Variants in KIF13B observed in about 807,000 individuals in gnomAD.
KIF13B encodes kinesin-like protein KIF13B.
KIF13B carries 127 observed loss-of-function variants against 222.0 expected under a neutral mutation model. The ratio of observed to expected loss-of-function variants is 0.57; its 90% CI spans 0.50 to 0.66. KIF13B has a LOEUF of 0.66. Ranked by LOEUF, KIF13B falls within the 30% of genes least tolerant of loss-of-function variation. The probability of loss-of-function intolerance (pLI) is 0.00; values close to 1 mark genes in which losing one functional copy is unlikely to be tolerated. For synonymous variants in KIF13B, 976 were observed against 919.0 expected (o/e 1.06, Z -1.12); for missense variants, 2,173 against 2,379.0 (o/e 0.91, Z 1.80).
At chr8:29,133,946 A>G in intron 22 of KIF13B, 94 bp downstream of exon 22, 1 of 1,228,222 alleles carries the variant, frequency 8.1e-7, no homozygotes. Flanking sequence ...CAAGACATAT[A>G]ACGGCACATT....
At chr8:29,072,445 G>A (rs933861450) in intron 38 of KIF13B, 129 bp from the exon 39 acceptor site, 2 of 509,610 alleles carry the variant, frequency 3.9e-6, no homozygotes, top group Non-Finnish European at 6.4e-6. Flanking sequence ...CAGTGCTTAT[G>A]GAGGGCAAGA....
chr8:29,176,637 C>A (rs1430184690), intron 9 of KIF13B, among the ~76,000 whole-genome samples: 1 of 152,156 alleles, frequency 6.6e-6, no homozygotes, highest in Non-Finnish European at 1.5e-5. Context: ...CCATAATGAG[C>A]TAACAATTTG....
intron 31 of KIF13B, among the ~76,000 whole-genome samples, chr8:29,114,897 G>A (rs947928357): frequency 2.0e-5 from 3 of 152,126 alleles, no homozygotes; most frequent in East Asian, 1.9e-4. Flanking sequence ...ATGGAAAATC[G>A]CTCTTCAAAA....
intron 1 of KIF13B, among the ~76,000 whole-genome samples, chr8:29,251,545 G>A (rs957833366): frequency 6.6e-5 from 10 of 152,134 alleles, no homozygotes; most frequent in African/African-American, 2.4e-4. Context: ...CCATTTATAT[G>A]AGGTACCTAG....
intron 24 of KIF13B, among the ~76,000 whole-genome samples, chr8:29,128,472 T>G (rs1038077999): frequency 6.6e-6 from 1 of 152,260 alleles, no homozygotes. Flanking sequence ...ACAGATGTTT[T>G]CTGATTTAAT....
At chr8:29,192,707 ATTAGG>A (rs1813240198) in intron 3 of KIF13B, among the ~76,000 whole-genome samples, 1 of 152,162 alleles carries the variant, frequency 6.6e-6, no homozygotes, top group African/African-American at 2.4e-5. Context: ...AAGAAAGAAA[ATTAGG>A]TTAAGATGGT....
intron 1 of KIF13B, 97 bp from the exon 2 acceptor site, chr8:29,245,536 T>C (rs1815983856): frequency 1.2e-6 from 1 of 802,458 alleles, no homozygotes; most frequent in African/African-American, 1.7e-5. Context: ...TACTCTTTCA[T>C]AATGCAAACA....
intron 10 of KIF13B, among the ~76,000 whole-genome samples, chr8:29,168,154 T>C (rs1466655866): frequency 6.6e-6 from 1 of 152,248 alleles, no homozygotes; most frequent in East Asian, 1.9e-4. Flanking sequence ...TTCGCTCTGA[T>C]AGCACTTCAA....
intron 2 of KIF13B, among the ~76,000 whole-genome samples, chr8:29,237,792 T>A (rs1815578431): frequency 6.6e-6 from 1 of 152,204 alleles, no homozygotes; most frequent in Non-Finnish European, 1.5e-5. Flanking sequence ...CAACCACACA[T>A]ATTTTCTTAT....
chr8:29,155,531 G>A (rs760083137), intron 14 of KIF13B, among the ~76,000 whole-genome samples, 195 bp downstream of exon 14: 6 of 152,154 alleles, frequency 3.9e-5, no homozygotes, highest in Admixed American at 2.6e-4. Context: ...GCCTAAATAC[G>A]TAAGGCCATG....
chr8:29,169,792 T>C (rs901140427), intron 10 of KIF13B, among the ~76,000 whole-genome samples: 2 of 152,206 alleles, frequency 1.3e-5, no homozygotes, highest in African/African-American at 2.4e-5. Context: ...GAAATTCAAA[T>C]GTGATATAAC....
chr8:29,110,142 C>T (rs190492350), intron 32 of KIF13B, 72 bp from the exon 33 acceptor site: 25 of 1,238,844 alleles, frequency 2.0e-5, no homozygotes, highest in Non-Finnish European at 2.7e-5. Context: ...CGTGCACACA[C>T]AGACACACAG....
rs372390442 is a variant in KIF13B at position 29,134,023 on chromosome 8, C to T, written c.2784+17G>A. ...TGAGTAATCTAAATGCTGACCTACT[C>T]TGGAAAACAAACTCACATTGCAATG... On this transcript the variant is annotated intron_variant, in intron 22 of 39. Transcript: ENST00000524189. 8.1e-6 allele frequency: 13 copies of T among 1,608,066 alleles called. No individual in the cohort carries two copies. The highest frequency in any genetic ancestry group is 1.1e-5 in the Non-Finnish European group (13 of 1,176,878).
chr8:29,186,564 A>C (rs2130317288), intron 5 of KIF13B, 92 bp from the exon 6 acceptor site: 2 of 1,024,738 alleles, frequency 2.0e-6, no homozygotes, highest in Non-Finnish European at 2.8e-6. Context: ...ACTTGGCAAA[A>C]CGCCAAAATG....
At chr8:29,201,714 C>T (rs992974480) in intron 2 of KIF13B, among the ~76,000 whole-genome samples, 14 of 152,194 alleles carry the variant, frequency 9.2e-5, no homozygotes, top group African/African-American at 2.9e-4. Context: ...CACCCCAACC[C>T]GCTGTATAAC....
chr8:29,121,625 C>T (rs1420143381), intron 29 of KIF13B, among the ~76,000 whole-genome samples: 2 of 132,728 alleles, frequency 1.5e-5, no homozygotes, highest in Non-Finnish European at 3.2e-5. Flanking sequence ...CTAGGCATTA[C>T]CATTCAGGAC....
At chr8:29,086,630 T>G (rs1335310741) in intron 37 of KIF13B, among the ~76,000 whole-genome samples, 1 of 152,260 alleles carries the variant, frequency 6.6e-6, no homozygotes, top group Non-Finnish European at 1.5e-5. Context: ...TTGGTTTCCA[T>G]GTCGATCCCC....
rs1057175011 is a variant in KIF13B at position 29,069,801 on chromosome 8, TAA to T, written c.*701_*702del. ...CTGTGAAGGGAATAAACGGCAAACA[TAA>T]GAGACTTTCCAGGTGTCTAAAGATG... is the stretch of plus-strand genomic sequence containing the variant. On this transcript the variant is annotated 3_prime_UTR_variant, in exon 40 of 40. Coordinates refer to ENST00000524189, the MANE Select transcript of KIF13B (RefSeq NM_015254.4). 1.3e-5 allele frequency: 2 copies of T among 152,124 alleles called. No individual in the cohort carries two copies. Among genetic ancestry groups the T allele is most frequent in the South Asian group, 2.1e-4 (1 of 4,824 alleles). The allele number at this position is 152,124 out of a possible 1,614,324, so 9.4% of individuals were successfully genotyped here. A position where few individuals can be genotyped will look rare whatever the true frequency, so the allele number is the denominator to read the frequency against.
intron 8 of KIF13B, among the ~76,000 whole-genome samples, chr8:29,178,203 T>A (rs10100163): frequency 6.6e-6 from 1 of 151,936 alleles, no homozygotes; most frequent in African/African-American, 2.4e-5. Flanking sequence ...TCAAATTTTA[T>A]TATTATTGGA....
Sources: allele counts gnomAD v4.1 joint callset (sites outside exome capture counted in the v4.1 genomes callset), GRCh38; gene constraint gnomAD v4.1.1; transcripts MANE v1.5; gene names NCBI Gene and HGNC (gene_info 2026-07-23, HGNC 2026-07-21).